NTRK3: variants seen among roughly 807,000 people sequenced by gnomAD.
NTRK3 encodes the protein NT-3 growth factor receptor.
NTRK3 carries 24 observed loss-of-function variants against 91.7 expected under a neutral mutation model. The ratio of observed to expected loss-of-function variants is 0.26; its 90% CI spans 0.19 to 0.37. The LOEUF is 0.37. Among genes scored for constraint, NTRK3 ranks in the 10% least tolerant of loss-of-function variants. The pLI is 1.00. For synonymous variants in NTRK3, 483 were observed against 404.0 expected (o/e 1.20, Z -2.34); for missense variants, 880 against 1,068.9 (o/e 0.82, Z 2.46).
At position 87,931,813 on chromosome 15, in the gene NTRK3, T is replaced by TTGAA. The variant is rs763240524; in HGVS notation, c.1889+1195_1889+1198dup. On this transcript the variant is annotated intron_variant, in intron 16 of 18. Coordinates refer to ENST00000394480, the Ensembl canonical transcript of NTRK3. ...TGCCCCTCAAAACCACGACACCCTA[T>TTGAA]TGAATGTCCCACTTCAAGAGGATGC... 1.3e-3 allele frequency among the ~76,000 whole-genome samples: 195 copies of TTGAA among 152,356 alleles called. 1 individual carries two copies. Among genetic ancestry groups the TTGAA allele is most frequent in the Non-Finnish European group, 6.3e-4 (43 of 68,034 alleles).
chr15:87,951,264 T>C (rs182358072), intron 14 of NTRK3, among the ~76,000 whole-genome samples: 1 of 152,208 alleles, frequency 6.6e-6, no homozygotes, highest in Non-Finnish European at 1.5e-5. Flanking sequence ...CTATTCCTTA[T>C]GCAAAAATAG....
At chr15:88,247,569 G>T (rs919252193) in intron 3 of NTRK3, among the ~76,000 whole-genome samples, 1 of 152,208 alleles carries the variant, frequency 6.6e-6, no homozygotes, top group Admixed American at 6.5e-5. Flanking sequence ...ACAGAGCCTA[G>T]CGAATACATC....
chr15:88,091,454 C>T (rs941825229), intron 13 of NTRK3, among the ~76,000 whole-genome samples: 1 of 152,208 alleles, frequency 6.6e-6, no homozygotes, highest in Non-Finnish European at 1.5e-5. Flanking sequence ...CTCCTCTTAC[C>T]CATTGATCAA....
Position 88,000,965 on chromosome 15 carries a change from A to G in NTRK3, c.1585+31892T>C, listed in dbSNP as rs2076057790. Among the ~76,000 whole-genome samples, 3 of 152,168 alleles carry G rather than the reference A, an allele frequency of 2.0e-5. No individual in the cohort carries two copies. The South Asian group carries it at 6.2e-4, about 32-fold the overall frequency. ...GCAGCTGCATCATTTTATATTACCA[A>G]CATTAAGGTGTAAAGGTTCTACTTT... On this transcript the variant is annotated intron_variant, in intron 14 of 18. Coordinates refer to ENST00000394480, the Ensembl canonical transcript of NTRK3.
chr15:87,903,713 CA>C (rs1318693389), intron 17 of NTRK3, among the ~76,000 whole-genome samples: 1 of 152,172 alleles, frequency 6.6e-6, no homozygotes, highest in Non-Finnish European at 1.5e-5. Context: ...TGTACATTCA[CA>C]GGCATCTTAC....
intron 17 of NTRK3, among the ~76,000 whole-genome samples, chr15:87,920,043 C>T (rs2067749033): frequency 6.6e-6 from 1 of 152,000 alleles, no homozygotes; most frequent in African/African-American, 2.4e-5. Context: ...GGCTGGAATC[C>T]AAACTCCAGA....
chr15:88,052,425 G>A (rs941748792), intron 13 of NTRK3, among the ~76,000 whole-genome samples: 8 of 152,318 alleles, frequency 5.3e-5, no homozygotes, highest in African/African-American at 1.7e-4. Flanking sequence ...CAGTCAGACC[G>A]AAAAGCCAAT....
chr15:87,900,685 C>G (rs2066394744), intron 17 of NTRK3, among the ~76,000 whole-genome samples: 3 of 108,576 alleles, frequency 2.8e-5, no homozygotes, highest in Admixed American at 9.5e-5. Flanking sequence ...CCTGACTTTA[C>G]AGAGGGTGTG....
chr15:87,892,531 T>C (rs2065902735), intron 17 of NTRK3, among the ~76,000 whole-genome samples: 1 of 152,226 alleles, frequency 6.6e-6, no homozygotes, highest in Non-Finnish European at 1.5e-5. Context: ...TGCATTTCCA[T>C]TAATATTTTA....
intron 14 of NTRK3, among the ~76,000 whole-genome samples, chr15:87,990,832 A>G (rs1300250244): frequency 6.6e-6 from 1 of 152,166 alleles, no homozygotes; most frequent in African/African-American, 2.4e-5. Flanking sequence ...CTTACCTAGT[A>G]AATGATGGAG....
chr15:87,911,802 T>C (rs541341416), intron 17 of NTRK3, among the ~76,000 whole-genome samples: 2 of 152,348 alleles, frequency 1.3e-5, no homozygotes, highest in East Asian at 3.9e-4. Flanking sequence ...TTAATGAACA[T>C]TTATGAAATG....
chr15:88,159,839 A>G (rs2044268769), intron 5 of NTRK3, among the ~76,000 whole-genome samples: 1 of 151,946 alleles, frequency 6.6e-6, no homozygotes, highest in Admixed American at 6.6e-5. Context: ...ACAGCACTGC[A>G]CATTGACTAA....
At chr15:87,924,090 T>C (rs961192091) in intron 17 of NTRK3, among the ~76,000 whole-genome samples, 3 of 152,192 alleles carry the variant, frequency 2.0e-5, no homozygotes, top group African/African-American at 7.2e-5. Flanking sequence ...CTAAGAGCTT[T>C]ATATTTCTTA....
intron 13 of NTRK3, among the ~76,000 whole-genome samples, chr15:88,095,675 G>A (rs1039753315): frequency 6.6e-6 from 1 of 152,170 alleles, no homozygotes; most frequent in Admixed American, 6.5e-5. Context: ...CCCTCCCCAG[G>A]TTTAGAAGGT....
intron 13 of NTRK3, among the ~76,000 whole-genome samples, chr15:88,101,725 G>C (rs1597322247): frequency 6.6e-6 from 1 of 152,280 alleles, no homozygotes; most frequent in East Asian, 1.9e-4. Flanking sequence ...TAGGAACATG[G>C]ATGAAACTGG....
chr15:88,067,802 A>C (rs910191317), intron 13 of NTRK3, among the ~76,000 whole-genome samples: 6 of 152,230 alleles, frequency 3.9e-5, no homozygotes, highest in Admixed American at 3.3e-4. Flanking sequence ...GAATCCTGTA[A>C]GTCCCTAAGT....
intron 3 of NTRK3, among the ~76,000 whole-genome samples, chr15:88,236,626 T>C (rs1308433808): frequency 1.4e-5 from 2 of 148,108 alleles, no homozygotes; most frequent in African/African-American, 5.0e-5. Context: ...TAATGGACTT[T>C]GGAGACTCAG....
intron 13 of NTRK3, among the ~76,000 whole-genome samples, chr15:88,112,847 G>C (rs1384577800): frequency 6.6e-6 from 1 of 152,126 alleles, no homozygotes; most frequent in Non-Finnish European, 1.5e-5. Flanking sequence ...CAATGCACCT[G>C]GAAGACCCCA....
intron 13 of NTRK3, among the ~76,000 whole-genome samples, chr15:88,093,076 T>TG (rs2049187220): frequency 6.9e-6 from 1 of 144,634 alleles, no homozygotes; most frequent in Non-Finnish European, 1.5e-5. Flanking sequence ...TTTTTTTTGT[T>TG]TTTTTTTTTT....
Sources: allele counts gnomAD v4.1 joint callset (sites outside exome capture counted in the v4.1 genomes callset), GRCh38; gene constraint gnomAD v4.1.1; transcripts MANE v1.5; gene names NCBI Gene and HGNC (gene_info 2026-07-23, HGNC 2026-07-21).